Variants in ZNF385D observed in about 807,000 individuals in gnomAD.
ZNF385D encodes the protein zinc finger protein 659.
Under a neutral mutation model 35.8 loss-of-function variants are expected in ZNF385D, and 15 were observed. The ratio of observed to expected loss-of-function variants is 0.42; its 90% CI spans 0.28 to 0.64. The LOEUF (loss-of-function observed/expected upper bound fraction) is 0.64. ZNF385D is among the 30% of genes least tolerant of loss of function. The pLI is 0.23. For missense variants in ZNF385D, 474 were observed against 494.6 expected (o/e 0.96, Z 0.39); for synonymous variants, 212 against 186.8 (o/e 1.13, Z -1.10).
rs1291554128 is a variant in ZNF385D, at chr3:21,414,134, A to C, written c.*7080T>G. 6.6e-6 allele frequency: 1 copy of C among 152,094 alleles called. No homozygotes were observed. Among genetic ancestry groups the C allele is most frequent in the Non-Finnish European group, 1.5e-5 (1 of 67,980 alleles). The allele number at this position is 152,094 out of a possible 1,614,324, so 9.4% of individuals were successfully genotyped here. A position where few individuals can be genotyped will look rare whatever the true frequency, so the allele number is the denominator to read the frequency against. Reference sequence around the variant, plus strand: ...TTGACTAAGTTTCATGTGCTAGGATATAACTTATTTTTCTCACCTAGGCTT... The same window carrying C: ...TTGACTAAGTTTCATGTGCTAGGATCTAACTTATTTTTCTCACCTAGGCTT... On this transcript the variant is annotated 3_prime_UTR_variant, in exon 8 of 8. Coordinates refer to ENST00000281523, the MANE Select transcript of ZNF385D (RefSeq NM_024697.3).
At chr3:21,427,324 T>C (rs1481176877) in intron 5 of ZNF385D, among the ~76,000 whole-genome samples, 1 of 152,180 alleles carries the variant, frequency 6.6e-6, no homozygotes, top group African/African-American at 2.4e-5. Context: ...GAAGCATTAT[T>C]AGTAGGGCTA....
intron 4 of ZNF385D, among the ~76,000 whole-genome samples, chr3:21,470,092 T>C (rs938072647): frequency 6.6e-6 from 1 of 152,224 alleles, no homozygotes; most frequent in Non-Finnish European, 1.5e-5. Context: ...ACAGTACTTT[T>C]TCCCCGTGGA....
chr3:21,982,132 G>A (rs1263214344), intron 3 of ZNF385D, among the ~76,000 whole-genome samples: 1 of 149,332 alleles, frequency 6.7e-6, no homozygotes, highest in Non-Finnish European at 1.5e-5. Context: ...AGTTTGATAG[G>A]AGTAGCCCTG....
chr3:22,087,007 C>T (rs796742075), intron 3 of ZNF385D, among the ~76,000 whole-genome samples: 20 of 152,120 alleles, frequency 1.3e-4, no homozygotes, highest in African/African-American at 4.1e-4. Context: ...GGGTGCAGGA[C>T]GCCAACATGG....
At chr3:22,162,941 T>C (rs773717919) in intron 3 of ZNF385D, among the ~76,000 whole-genome samples, 3 of 152,154 alleles carry the variant, frequency 2.0e-5, no homozygotes, top group Non-Finnish European at 2.9e-5. Flanking sequence ...GGGCTGGAGA[T>C]CTATACCTGT....
At chr3:22,002,308 G>C (rs1213376990) in intron 3 of ZNF385D, among the ~76,000 whole-genome samples, 1 of 152,040 alleles carries the variant, frequency 6.6e-6, no homozygotes, top group East Asian at 1.9e-4. Context: ...AGGATATGAT[G>C]AACAAGTATA....
intron 3 of ZNF385D, among the ~76,000 whole-genome samples, chr3:22,011,221 G>T (rs991794110): frequency 1.3e-5 from 2 of 152,030 alleles, no homozygotes; most frequent in Non-Finnish European, 2.9e-5. Context: ...AGCCACCAAT[G>T]AGAGAAATTT....
intron 2 of ZNF385D, among the ~76,000 whole-genome samples, chr3:21,621,505 G>C (rs1356937745): frequency 1.3e-5 from 2 of 151,570 alleles, no homozygotes; most frequent in Non-Finnish European, 2.9e-5. Context: ...ACAAGGCATT[G>C]AGCAAGAAAC....
chr3:21,699,823 CTTTTTTTTT>C (rs1006362754), intron 1 of ZNF385D, among the ~76,000 whole-genome samples: 2 of 88,878 alleles, frequency 2.3e-5, no homozygotes, highest in African/African-American at 9.7e-5. Flanking sequence ...GTTTCTTTTC[CTTTTTTTTT>C]TTTTTTTTTT....
intron 3 of ZNF385D, among the ~76,000 whole-genome samples, chr3:22,092,092 G>A (rs1701364138): frequency 1.3e-5 from 2 of 152,202 alleles, no homozygotes; most frequent in Admixed American, 1.3e-4. Context: ...GAATAGAAGA[G>A]TGAATATGGA....
At chr3:21,833,721 T>C (rs913886144) in intron 3 of ZNF385D, among the ~76,000 whole-genome samples, 11 of 152,198 alleles carry the variant, frequency 7.2e-5, no homozygotes, top group African/African-American at 1.4e-4. Context: ...TGGAATCAAA[T>C]GCTACGCTCT....
intron 1 of ZNF385D, among the ~76,000 whole-genome samples, chr3:21,687,263 A>T (rs1174785085): frequency 6.6e-6 from 1 of 152,234 alleles, no homozygotes; most frequent in Non-Finnish European, 1.5e-5. Flanking sequence ...TGAGCCAGAT[A>T]AAATAGGCAG....
chr3:22,192,618 A>G (rs1696135098), intron 2 of ZNF385D, among the ~76,000 whole-genome samples: 1 of 152,130 alleles, frequency 6.6e-6, no homozygotes, highest in Non-Finnish European at 1.5e-5. Flanking sequence ...TCCAAATCCA[A>G]TCAAGCCTTC....
At chr3:21,571,558 A>G (rs559818605) in intron 2 of ZNF385D, among the ~76,000 whole-genome samples, 1 of 152,230 alleles carries the variant, frequency 6.6e-6, no homozygotes, top group Non-Finnish European at 1.5e-5. Context: ...CAGTACTGCA[A>G]TATAATACTG....
At chr3:21,939,289 G>C (rs575678961) in intron 3 of ZNF385D, among the ~76,000 whole-genome samples, 5 of 152,146 alleles carry the variant, frequency 3.3e-5, no homozygotes, top group Non-Finnish European at 7.3e-5. Context: ...ATTGCATTTA[G>C]TCAGGATAAC....
intron 4 of ZNF385D, among the ~76,000 whole-genome samples, chr3:21,482,586 C>CT (rs1190579008): frequency 6.6e-6 from 1 of 152,150 alleles, no homozygotes; most frequent in Non-Finnish European, 1.5e-5. Flanking sequence ...CAAAGCTGAA[C>CT]TTTTGCCCTT....
At chr3:21,847,358 TCTA>T (rs1470806188) in intron 3 of ZNF385D, among the ~76,000 whole-genome samples, 1 of 151,884 alleles carries the variant, frequency 6.6e-6, no homozygotes, top group East Asian at 1.9e-4. Context: ...GAGGCACTGA[TCTA>T]CTATCACGAT....
intron 3 of ZNF385D, among the ~76,000 whole-genome samples, chr3:22,007,653 C>T (rs887966541): frequency 1.3e-5 from 2 of 152,120 alleles, no homozygotes; most frequent in African/African-American, 4.8e-5. Context: ...GAGTGTGCTG[C>T]CTATCTTTTC....
chr3:22,308,872 A>G (rs1255434917), intron 2 of ZNF385D, among the ~76,000 whole-genome samples: 1 of 152,092 alleles, frequency 6.6e-6, no homozygotes, highest in Non-Finnish European at 1.5e-5. Context: ...GAACAAACAA[A>G]TACAGCCAAA....
Sources: allele counts gnomAD v4.1 joint callset (sites outside exome capture counted in the v4.1 genomes callset), GRCh38; gene constraint gnomAD v4.1.1; transcripts MANE v1.5; gene names NCBI Gene and HGNC (gene_info 2026-07-23, HGNC 2026-07-21).